NRXN3: variants seen among roughly 807,000 people sequenced by gnomAD.
The protein encoded by NRXN3 is neurexin 3, also known as neurexin III.
A neutral mutation model predicts 137.6 loss-of-function variants in NRXN3; 32 were observed. That is an observed-to-expected ratio of 0.23 (90% confidence interval 0.18 to 0.31). The LOEUF is 0.31. Ranked by LOEUF, NRXN3 falls within the 10% of genes least tolerant of loss-of-function variation. NRXN3 has a pLI of 1.00. For synonymous variants in NRXN3, 798 were observed against 784.5 expected (o/e 1.02, Z -0.29); for missense variants, 1,574 against 2,062.5 (o/e 0.76, Z 4.59).
chr14:78,677,177 T>C (rs546540681), intron 6 of NRXN3, among the ~76,000 whole-genome samples: 1 of 152,284 alleles, frequency 6.6e-6, no homozygotes, highest in South Asian at 2.1e-4. Flanking sequence ...ATAGCTTCCA[T>C]AGATAGTGAT....
intron 4 of NRXN3, among the ~76,000 whole-genome samples, chr14:78,417,227 A>C (rs909967635): frequency 6.6e-6 from 1 of 152,182 alleles, no homozygotes; most frequent in Admixed American, 6.5e-5. Flanking sequence ...GTCCAGCTTC[A>C]TCTTGCGCCA....
At chr14:78,497,397 C>A (rs552294326) in intron 4 of NRXN3, among the ~76,000 whole-genome samples, 32 of 152,160 alleles carry the variant, frequency 2.1e-4, no homozygotes, top group African/African-American at 7.2e-4. Flanking sequence ...AAAGAATGTA[C>A]CTACCCACCA....
At chr14:79,520,010 G>A (rs2097047118) in intron 16 of NRXN3, among the ~76,000 whole-genome samples, 1 of 151,350 alleles carries the variant, frequency 6.6e-6, no homozygotes, top group South Asian at 2.1e-4. Context: ...TCTGTTTTTT[G>A]GCTGAATGTT....
chr14:79,104,776 C>T (rs2052056584), intron 15 of NRXN3, among the ~76,000 whole-genome samples: 1 of 151,586 alleles, frequency 6.6e-6, no homozygotes, highest in South Asian at 2.1e-4. Context: ...CCCCAGTTAT[C>T]ACATCCTAAT....
chr14:79,194,263 A>G (rs1390495430), intron 15 of NRXN3, among the ~76,000 whole-genome samples: 1 of 152,186 alleles, frequency 6.6e-6, no homozygotes, highest in Non-Finnish European at 1.5e-5. Context: ...TGGCATACAT[A>G]TATCTTCTCT....
chr14:79,122,500 T>C (rs2055627924), intron 15 of NRXN3, among the ~76,000 whole-genome samples: 1 of 152,230 alleles, frequency 6.6e-6, no homozygotes, highest in African/African-American at 2.4e-5. Context: ...CTACATGGGA[T>C]ACATAAGTAG....
Position 79,293,175 on chromosome 14 carries a change from CTCTT to C in NRXN3, c.3263-174043_3263-174040del, listed in dbSNP as rs534614011. 5.1e-3 allele frequency among the ~76,000 whole-genome samples: 773 copies of C among 152,256 alleles called. 10 individuals carry two copies. Among genetic ancestry groups the C allele is most frequent in the South Asian group, 0.022 (104 of 4,824 alleles). On this transcript the variant is annotated intron_variant, in intron 15 of 20. Transcript: ENST00000335750. ...GTTAAACTAATTATTATTAAGAACT[CTCTT>C]TCAGAAAATCCTGAGATAGTTCCTT...
intron 6 of NRXN3, among the ~76,000 whole-genome samples, chr14:78,678,535 G>A (rs1431636483): frequency 6.6e-6 from 1 of 151,998 alleles, no homozygotes; most frequent in Non-Finnish European, 1.5e-5. Flanking sequence ...GTCATAAGCT[G>A]GATGTTTATA....
At chr14:79,840,521 A>C (rs953142882) in intron 20 of NRXN3, among the ~76,000 whole-genome samples, 1 of 152,164 alleles carries the variant, frequency 6.6e-6, no homozygotes, top group Non-Finnish European at 1.5e-5. Flanking sequence ...GCTTGTTTGT[A>C]AGTTCCCATA....
intron 19 of NRXN3, among the ~76,000 whole-genome samples, chr14:79,700,491 C>T (rs1429452070): frequency 6.6e-6 from 1 of 152,006 alleles, no homozygotes; most frequent in Non-Finnish European, 1.5e-5. Flanking sequence ...TAAAATGAGA[C>T]TCCTCTAGGA....
At chr14:79,806,689 A>T (rs910762038) in intron 20 of NRXN3, among the ~76,000 whole-genome samples, 51 of 150,168 alleles carry the variant, frequency 3.4e-4, no homozygotes, top group Admixed American at 6.0e-4. Flanking sequence ...AGGATACAAT[A>T]TATCTCTAGA....
intron 10 of NRXN3, among the ~76,000 whole-genome samples, chr14:78,823,654 C>G (rs2098957632): frequency 6.6e-6 from 1 of 152,172 alleles, no homozygotes; most frequent in Non-Finnish European, 1.5e-5. Context: ...GAAGCATAGC[C>G]TCTGGCAAAA....
At chr14:79,554,414 C>T (rs1026057759) in intron 16 of NRXN3, among the ~76,000 whole-genome samples, 7 of 152,172 alleles carry the variant, frequency 4.6e-5, no homozygotes, top group East Asian at 1.9e-4. Flanking sequence ...ATACTCAAAC[C>T]TATTTCCTTC....
intron 10 of NRXN3, among the ~76,000 whole-genome samples, chr14:78,944,078 A>G (rs971657999): frequency 6.6e-6 from 1 of 152,152 alleles, no homozygotes; most frequent in East Asian, 1.9e-4. Flanking sequence ...GATTGGCCAA[A>G]TCTCTGGAAT....
At chr14:79,306,013 G>A (rs924102728) in intron 15 of NRXN3, among the ~76,000 whole-genome samples, 8 of 152,102 alleles carry the variant, frequency 5.3e-5, no homozygotes, top group African/African-American at 1.9e-4. Flanking sequence ...GCGTTCCAGT[G>A]TGAAATAGCC....
At position 79,447,334 on chromosome 14, in the gene NRXN3, T is replaced by C. The variant is rs538763348; in HGVS notation, c.3263-19887T>C. Among the ~76,000 whole-genome samples the C allele has an allele frequency of 2.0e-5, 3 of 152,310 alleles. No individual in the cohort carries two copies. In the East Asian group the frequency reaches 5.8e-4, roughly 29 times the overall value. On this transcript the variant is annotated intron_variant, in intron 15 of 20. Transcript: ENST00000335750. ...ATACCCCTCAGGATATTTCTGCCAATGTGTTAAAGTATTTGTAAAAAAAAA... is the reference window on the plus strand; with the variant it reads ...ATACCCCTCAGGATATTTCTGCCAACGTGTTAAAGTATTTGTAAAAAAAAA...
chr14:79,523,980 T>C (rs982272410), intron 16 of NRXN3, among the ~76,000 whole-genome samples: 20 of 152,164 alleles, frequency 1.3e-4, no homozygotes, highest in African/African-American at 4.6e-4. Flanking sequence ...AGGAGCTTTT[T>C]CTATTCTGAT....
At position 79,052,380 on chromosome 14, in the gene NRXN3, A is replaced by G. The variant is rs996892683; in HGVS notation, c.3262+64239A>G. Reference sequence around the variant, plus strand: ...ATGTTGTTACAAAGAACTAAAGCTGATTTTTCAGAGTACCAGCTTCTCAGA... The same window carrying G: ...ATGTTGTTACAAAGAACTAAAGCTGGTTTTTCAGAGTACCAGCTTCTCAGA... On this transcript the variant is annotated intron_variant, in intron 15 of 20. Transcript: ENST00000335750. Among the ~76,000 whole-genome samples, 4 of 152,288 alleles carry G rather than the reference A, an allele frequency of 2.6e-5. No individual in the cohort carries two copies. The East Asian group carries it at 5.8e-4, about 22-fold the overall frequency.
chr14:78,190,825 C>G (rs1192203267), intron 1 of NRXN3, among the ~76,000 whole-genome samples: 2 of 151,894 alleles, frequency 1.3e-5, no homozygotes, highest in Non-Finnish European at 2.9e-5. Flanking sequence ...AGGTGCCCAC[C>G]ACCACACCTG....
Sources: gnomAD v4.1 joint callset for allele counts (sites outside exome capture counted in the v4.1 genomes callset) on GRCh38, gnomAD v4.1.1 for gene constraint, MANE v1.5 for transcripts, NCBI Gene and HGNC (gene_info 2026-07-23, HGNC 2026-07-21) for gene names.